Variants in ADARB2 observed in about 807,000 individuals in gnomAD.
The protein encoded by ADARB2 is adenosine deaminase RNA specific B2 (inactive), also known as inactive double-stranded RNA-specific editase B2.
ADARB2 carries 25 observed loss-of-function variants against 62.2 expected under a neutral mutation model. That is an observed-to-expected ratio of 0.40 (90% CI 0.29 to 0.56). ADARB2 has a LOEUF of 0.56. ADARB2 is among the 20% of genes least tolerant of loss of function. The pLI is 0.43. For missense variants in ADARB2, 1,071 were observed against 1,077.4 expected (o/e 0.99, Z 0.08); for synonymous variants, 572 against 500.8 (o/e 1.14, Z -1.90).
At chr10:1,276,419 G>C (rs1225198798) in intron 3 of ADARB2, among the ~76,000 whole-genome samples, 2 of 152,134 alleles carry the variant, frequency 1.3e-5, no homozygotes, top group African/African-American at 4.8e-5. Flanking sequence ...TCCTTTGTCA[G>C]ATGAGTAGAT....
intron 1 of ADARB2, among the ~76,000 whole-genome samples, chr10:1,481,348 T>C (rs961896540): frequency 6.6e-6 from 1 of 152,140 alleles, no homozygotes; most frequent in East Asian, 1.9e-4. Flanking sequence ...ACTATAGAAC[T>C]CGTAGAAAAG....
At chr10:1,406,783 C>A (rs770243524) in intron 1 of ADARB2, among the ~76,000 whole-genome samples, 16 of 152,184 alleles carry the variant, frequency 1.1e-4, no homozygotes, top group Non-Finnish European at 1.8e-4. Flanking sequence ...CATTGTCAAC[C>A]CCCTGGCCCT....
intron 4 of ADARB2, among the ~76,000 whole-genome samples, chr10:1,265,656 C>G (rs1305735425): frequency 1.3e-5 from 1 of 77,872 alleles, no homozygotes; most frequent in East Asian, 3.3e-4. Flanking sequence ...CAGGTCCACG[C>G]TCTCCCGGAA....
At chr10:1,718,840 G>C (rs1464532806) in intron 1 of ADARB2, among the ~76,000 whole-genome samples, 1 of 152,242 alleles carries the variant, frequency 6.6e-6, no homozygotes, top group Non-Finnish European at 1.5e-5. Context: ...CTCTCGGCAA[G>C]ATGAGAGACT....
intron 6 of ADARB2, among the ~76,000 whole-genome samples, chr10:1,230,502 GACAT>G (rs1454976697): frequency 1.3e-5 from 2 of 152,178 alleles, no homozygotes; most frequent in Non-Finnish European, 2.9e-5. Flanking sequence ...GGGTAACAAA[GACAT>G]ACACCGCCTG....
chr10:1,663,731 T>C (rs1834279660), intron 1 of ADARB2, among the ~76,000 whole-genome samples: 2 of 152,118 alleles, frequency 1.3e-5, no homozygotes, highest in African/African-American at 2.4e-5. Context: ...GTGATTCTTC[T>C]GCCTTAGCCT....
chr10:1,737,328 C>T lies in ADARB2; in HGVS notation c.-178G>A. On this transcript the variant is annotated 5_prime_UTR_variant, in exon 1 of 10. Transcript: ENST00000381312. ...GTCTCTCTGTCTCTCGAATTGTTCT[C>T]TATGACTTGCTCCCACTGGGCTGGG... The T allele has an allele frequency of 1.6e-6, 1 of 624,488 alleles. No homozygotes were observed. The highest frequency in any genetic ancestry group is 2.0e-5 in the South Asian group (1 of 50,428). 38.7% of individuals were successfully genotyped at this position (624,488 alleles called of 1,614,324 possible). A position where few individuals can be genotyped will look rare whatever the true frequency, so the allele number is the denominator to read the frequency against.
At chr10:1,256,939 T>C (rs148597538) in intron 4 of ADARB2, among the ~76,000 whole-genome samples, 4 of 152,340 alleles carry the variant, frequency 2.6e-5, no homozygotes, top group Middle Eastern at 3.4e-3. Flanking sequence ...GTCTCCTCAC[T>C]GGCACTAAAA....
intron 1 of ADARB2, among the ~76,000 whole-genome samples, chr10:1,694,909 T>TG (rs1324896881): frequency 6.6e-6 from 1 of 152,058 alleles, no homozygotes; most frequent in African/African-American, 2.4e-5. Flanking sequence ...ACGTGCATCC[T>TG]GGGGCTCCTT....
chr10:1,687,106 A>C (rs955289071), intron 1 of ADARB2, among the ~76,000 whole-genome samples: 3 of 146,380 alleles, frequency 2.0e-5, no homozygotes, highest in Non-Finnish European at 4.4e-5. Context: ...CTCTCATTGC[A>C]ACCTCTGCCT....
Position 1,546,399 on chromosome 10 carries a change from G to A in ADARB2, c.101-167239C>T, listed in dbSNP as rs180971210. ...GGTGGGAAGGCTCTCCCGTGCTTCC[G>A]TTACCACTGTTGACCAGCTCTAAAA... On this transcript the variant is annotated intron_variant, in intron 1 of 9. Transcript: ENST00000381312. 3.0e-4 allele frequency among the ~76,000 whole-genome samples: 46 copies of A among 152,320 alleles called. 1 individual carries two copies. The highest frequency in any genetic ancestry group is 2.0e-3 in the Admixed American group (30 of 15,292).
At chr10:1,686,854 AAT>A (rs1268624342) in intron 1 of ADARB2, among the ~76,000 whole-genome samples, 32 of 152,224 alleles carry the variant, frequency 2.1e-4, no homozygotes, top group Non-Finnish European at 1.5e-5. Context: ...CCAAACAATA[AAT>A]ATGTTGAACT....
intron 7 of ADARB2, among the ~76,000 whole-genome samples, chr10:1,211,213 A>G (rs988959930): frequency 2.6e-5 from 4 of 151,852 alleles, no homozygotes; most frequent in Admixed American, 6.6e-5. Context: ...ATTATCATCT[A>G]TCATCTACCT....
intron 3 of ADARB2, among the ~76,000 whole-genome samples, chr10:1,354,072 T>C (rs746503233): frequency 9.2e-5 from 14 of 152,110 alleles, no homozygotes; most frequent in Non-Finnish European, 2.1e-4. Flanking sequence ...TCTCCCACTC[T>C]AGGTTTCCAC....
intron 1 of ADARB2, among the ~76,000 whole-genome samples, chr10:1,685,840 T>G (rs1834590645): frequency 6.6e-6 from 1 of 152,136 alleles, no homozygotes; most frequent in South Asian, 2.1e-4. Context: ...CCCATGGGGC[T>G]GGGCTGGGGG....
At chr10:1,391,243 A>G (rs541736357) in intron 1 of ADARB2, among the ~76,000 whole-genome samples, 144 of 151,118 alleles carry the variant, frequency 9.5e-4, no homozygotes, top group African/African-American at 3.4e-3. Flanking sequence ...CCAACAACCA[A>G]TAGGCGATGT....
chr10:1,566,564 A>G (rs1832864145), intron 1 of ADARB2, among the ~76,000 whole-genome samples: 1 of 152,060 alleles, frequency 6.6e-6, no homozygotes, highest in South Asian at 2.1e-4. Flanking sequence ...ATTTTTCAGT[A>G]GAACAATTGT....
intron 3 of ADARB2, among the ~76,000 whole-genome samples, chr10:1,333,894 C>T (rs7476580): frequency 0.25 from 37,278 of 152,092 alleles, 5,121 homozygotes; most frequent in Middle Eastern, 0.37. Context: ...CCTTTGCTAC[C>T]CAGACTGATG....
intron 3 of ADARB2, among the ~76,000 whole-genome samples, chr10:1,348,305 G>A (rs1832100094): frequency 6.6e-6 from 1 of 152,238 alleles, no homozygotes; most frequent in African/African-American, 2.4e-5. Flanking sequence ...GATTCAGGAA[G>A]GGGTCTGGGG....
Sources: gnomAD v4.1 joint callset for allele counts (sites outside exome capture counted in the v4.1 genomes callset) on GRCh38, gnomAD v4.1.1 for gene constraint, MANE v1.5 for transcripts, NCBI Gene and HGNC (gene_info 2026-07-23, HGNC 2026-07-21) for gene names.